Variants in HSP90AA1 observed in about 807,000 individuals in gnomAD.
HSP90AA1 encodes the protein heat shock protein 90 alpha family class A member 1, also known as heat shock protein HSP 90-alpha.
A neutral mutation model predicts 73.3 loss-of-function variants in HSP90AA1; 18 were observed. That is an observed-to-expected ratio of 0.25 (90% CI 0.17 to 0.36). The LOEUF (loss-of-function observed/expected upper bound fraction) is 0.36, where lower values mean the gene tolerates loss of function less well. HSP90AA1 is among the 10% of genes least tolerant of loss of function. The probability of loss-of-function intolerance (pLI) is 1.00; values close to 1 mark genes in which losing one functional copy is unlikely to be tolerated. For synonymous variants in HSP90AA1, 477 were observed against 296.9 expected (o/e 1.61, Z -6.24); for missense variants, 704 against 874.2 (o/e 0.81, Z 2.45).
At chr14:102,120,896 C>T (rs1033455295) in intron 1 of HSP90AA1, among the ~76,000 whole-genome samples, 2 of 151,712 alleles carry the variant, frequency 1.3e-5, no homozygotes, top group African/African-American at 2.4e-5. Flanking sequence ...TGAGATTGCA[C>T]CACTGCACTC....
intron 9 of HSP90AA1, 140 bp downstream of exon 9, chr14:102,082,894 C>T (rs10873530): frequency 0.79 from 673,716 of 848,706 alleles, 274,353 homozygotes; most frequent in South Asian, 0.84. Flanking sequence ...GCTGGGATTG[C>T]AGGCGTGAGC....
intron 6 of HSP90AA1, 39 bp from the exon 7 acceptor site, chr14:102,084,022 A>C (rs2049159515): frequency 2.7e-6 from 4 of 1,457,320 alleles, no homozygotes; most frequent in Non-Finnish European, 3.9e-6. Context: ...AGTCATTCCA[A>C]GGACAAAACT....
At chr14:102,086,413 G>C in intron 1 of HSP90AA1, 35 bp from the exon 2 acceptor site, 1 of 1,613,384 alleles carries the variant, frequency 6.2e-7, no homozygotes, top group Non-Finnish European at 8.5e-7. Context: ...AAACCTTGCA[G>C]GACGTCTACA....
Position 102,081,795 on chromosome 14 carries a change from C to T in HSP90AA1, c.2116G>A (p.Asp706Asn). 1.9e-6 allele frequency: 3 copies of T among 1,569,120 alleles called. No individual in the cohort carries two copies. The highest frequency in any genetic ancestry group is 2.6e-6 in the Non-Finnish European group (3 of 1,138,924). The change falls in exon 11 of 11, where the codon GAT becomes AAT. Residue 706 changes from aspartate (D) to asparagine (N), a missense_variant. Asp to Asn is a conservative substitution (Grantham distance 23). Transcript: ENST00000216281. ...TCAGTTACAGCAGCACTGGTATCATCAGCAGTAGGGTCATCTTCATCAATA... is the reference window on the plus strand; with the variant it reads ...TCAGTTACAGCAGCACTGGTATCATTAGCAGTAGGGTCATCTTCATCAATA... ...LGIDEDDPTA[D>N]DTSAAVTEEM...
At chr14:102,082,943 A>T in intron 9 of HSP90AA1, 91 bp downstream of exon 9, 1 of 1,334,292 alleles carries the variant, frequency 7.5e-7, no homozygotes, top group Non-Finnish European at 1.1e-6. Flanking sequence ...TTTCTGTTTT[A>T]AGTTGAAAAC....
chr14:102,088,136 G>T (rs2152614862), upstream of HSP90AA1, among the ~76,000 whole-genome samples: 1 of 151,828 alleles, frequency 6.6e-6, no homozygotes, highest in African/African-American at 2.4e-5. Context: ...TCTAGTTTTT[G>T]TATTTATTTG....
At position 102,081,389 on chromosome 14, in the gene HSP90AA1, T is replaced by C. The variant is rs1265790545; in HGVS notation, c.*323A>G. ...GCTCAGAACACTTCAATAACAAGAT[T>C]TGGTCTACTTAGGCATCCGGCTTGA... On this transcript the variant is annotated 3_prime_UTR_variant, in exon 11 of 11. Transcript: ENST00000216281. 6.7e-6 allele frequency: 3 copies of C among 450,808 alleles called. No homozygotes were observed. The highest frequency in any genetic ancestry group is 1.2e-5 in the Non-Finnish European group (3 of 247,626). 27.9% of individuals were successfully genotyped at this position (450,808 alleles called of 1,614,324 possible).
At chr14:102,113,653 T>C (rs906848328) in intron 1 of HSP90AA1, among the ~76,000 whole-genome samples, 3 of 152,036 alleles carry the variant, frequency 2.0e-5, no homozygotes, top group African/African-American at 7.2e-5. Context: ...AGTGCTGGGA[T>C]ACAAGCGTGA....
chr14:102,127,039 T>A (rs1476444129), intron 1 of HSP90AA1, among the ~76,000 whole-genome samples: 1 of 7,798 alleles, frequency 1.3e-4, no homozygotes. Context: ...TGAGAAGTAC[T>A]TTTTTTTTTT....
chr14:102,085,651 T>TG, intron 3 of HSP90AA1, 107 bp downstream of exon 3: 1 of 1,537,396 alleles, frequency 6.5e-7, no homozygotes, highest in South Asian at 1.1e-5. Context: ...TCCTGATCGT[T>TG]GGGCAAACAC....
chr14:102,083,992 A>G lies in HSP90AA1; in HGVS notation c.1148-9T>C. 6.2e-7 allele frequency: 1 copy of G among 1,606,314 alleles called. No homozygotes were observed. The highest frequency in any genetic ancestry group is 8.5e-7 in the Non-Finnish European group (1 of 1,172,950). ...CACCCCTCTAATGAAGTCTGAAAAA[A>G]ATATAAACCAAATGCACTGAGTCAT... On this transcript the variant is annotated splice_polypyrimidine_tract_variant and intron_variant, in intron 6 of 10. Transcript: ENST00000216281.
At chr14:102,128,856 TA>T (rs2049870227) in intron 1 of HSP90AA1, among the ~76,000 whole-genome samples, 3 of 151,954 alleles carry the variant, frequency 2.0e-5, no homozygotes, top group Non-Finnish European at 4.4e-5. Flanking sequence ...CCTAGAAGAA[TA>T]AGAATGGGTT....
intron 1 of HSP90AA1, among the ~76,000 whole-genome samples, chr14:102,111,278 G>A (rs2049638519): frequency 6.6e-6 from 1 of 152,208 alleles, no homozygotes. Flanking sequence ...TATGGGCCGG[G>A]CCCAGGGCCC....
intron 1 of HSP90AA1, among the ~76,000 whole-genome samples, chr14:102,138,528 A>G (rs913449563): frequency 6.6e-6 from 1 of 151,968 alleles, no homozygotes; most frequent in Non-Finnish European, 1.5e-5. Flanking sequence ...TTCCAACACT[A>G]CAAAGGCTAA....
chr14:102,087,960 T>TTC (rs1238342849), upstream of HSP90AA1, among the ~76,000 whole-genome samples: 1 of 144,204 alleles, frequency 6.9e-6, no homozygotes, highest in Non-Finnish European at 1.5e-5. Flanking sequence ...TCTTTTTTTT[T>TTC]TTTTTGGACA....
In HSP90AA1 at chr14:102,082,370, C is replaced by A. The variant is rs1314697094; in HGVS notation, c.1830G>T (p.Met610Ile). ...GGGCTTGAGCTTTCATGATTCTCTC[C>A]ATGTTTGCTGTCCAGCCATATGTGC... ...VTSTYGWTANMERIMKAQALR... is the reference protein window; with the variant it reads ...VTSTYGWTANIERIMKAQALR... The change falls in exon 10 of 11, where the codon ATG becomes ATT. Residue 610 changes from methionine to isoleucine, a missense_variant. Coordinates refer to ENST00000216281, the MANE Select transcript of HSP90AA1 (RefSeq NM_005348.4). 1 of 1,614,006 alleles carries A rather than the reference C, an allele frequency of 6.2e-7. No individual in the cohort carries two copies. Among genetic ancestry groups the A allele is most frequent in the Non-Finnish European group, 8.5e-7 (1 of 1,179,908 alleles).
chr14:102,082,886 T>A, intron 9 of HSP90AA1, 148 bp downstream of exon 9: 1 of 798,884 alleles, frequency 1.3e-6, no homozygotes, highest in Middle Eastern at 3.3e-4. Flanking sequence ...CCCAAAGTGC[T>A]GGGATTGCAG....
chr14:102,085,724 C>A (rs367863816), intron 3 of HSP90AA1, 34 bp downstream of exon 3: 7 of 1,613,742 alleles, frequency 4.3e-6, no homozygotes, highest in African/African-American at 1.3e-5. Context: ...ACCCTTCCAC[C>A]GCTCACTTAA....
At position 102,084,819 on chromosome 14, in the gene HSP90AA1, C is replaced by G. The variant is rs1168227698; in HGVS notation, c.843G>C (p.Lys281Asn). 1 of 1,610,874 alleles carries G rather than the reference C, an allele frequency of 6.2e-7. No individual in the cohort carries two copies. The highest frequency in any genetic ancestry group is 8.5e-7 in the Non-Finnish European group (1 of 1,177,202). Residue 281 changes from lysine (K) to asparagine (N), a missense_variant, in exon 5 of 11, where the codon AAG (lysine) becomes AAC (asparagine). By Grantham distance (94) the Lys-to-Asn change is moderately conservative. Coordinates refer to ENST00000216281, the MANE Select transcript of HSP90AA1 (RefSeq NM_005348.4). ...DGDKKKKKKI[K>N]EKYIDQEELN... ...GCTCTTCTTGATCGATGTACTTTTC[C>G]TTAATCTTCTTCTTCTTCTTCTTGT...
Sources: gnomAD v4.1 joint callset for allele counts (sites outside exome capture counted in the v4.1 genomes callset) on GRCh38, gnomAD v4.1.1 for gene constraint, MANE v1.5 for transcripts, NCBI Gene and HGNC (gene_info 2026-07-23, HGNC 2026-07-21) for gene names.